LRCH3: variants seen among roughly 807,000 people sequenced by gnomAD.
LRCH3 encodes the protein leucine rich repeats and calponin homology domain containing 3, also known as DISP complex protein LRCH3.
LRCH3 carries 68 observed loss-of-function variants against 104.5 expected under a neutral mutation model. That is an observed-to-expected ratio of 0.65 (90% CI 0.54 to 0.80). The LOEUF (loss-of-function observed/expected upper bound fraction) is 0.80. LRCH3 is among the 30% of genes least tolerant of loss of function. The pLI is 0.00. For missense variants in LRCH3, 951 were observed against 953.9 expected (o/e 1.00, Z 0.04); for synonymous variants, 344 against 361.3 (o/e 0.95, Z 0.54).
intron 1 of LRCH3, among the ~76,000 whole-genome samples, chr3:197,807,518 G>A (rs959423163): frequency 6.6e-6 from 1 of 152,080 alleles, no homozygotes; most frequent in African/African-American, 2.4e-5. Context: ...ACCATGCCCG[G>A]CCGCATCATG....
intron 1 of LRCH3, among the ~76,000 whole-genome samples, chr3:197,792,606 A>ATATATATATATAT (rs1233845852): frequency 2.6e-4 from 10 of 37,980 alleles, no homozygotes; most frequent in Admixed American, 7.0e-4. Flanking sequence ...TATATATATA[A>ATATATATATATAT]AATATACATA....
intron 9 of LRCH3, among the ~76,000 whole-genome samples, chr3:197,837,591 C>G (rs1737012028): frequency 6.6e-6 from 1 of 152,048 alleles, no homozygotes; most frequent in South Asian, 2.1e-4. Flanking sequence ...GTGTTAAACA[C>G]TCTACTATTA....
intron 1 of LRCH3, among the ~76,000 whole-genome samples, chr3:197,809,199 G>A (rs917937692): frequency 2.6e-5 from 4 of 151,884 alleles, no homozygotes; most frequent in Admixed American, 6.6e-5. Context: ...TCAGGAGACT[G>A]GGGTGGGAGG....
intron 5 of LRCH3, among the ~76,000 whole-genome samples, chr3:197,828,621 AGGTG>A (rs1735520265): frequency 1.3e-5 from 2 of 151,430 alleles, no homozygotes; most frequent in Admixed American, 1.3e-4. Flanking sequence ...CTGGGATTAC[AGGTG>A]TGAGCCACCG....
rs201162957 is a variant in LRCH3 at position 197,866,147 on chromosome 3, A to T, written c.1801A>T (p.Ile601Phe). The T allele has an allele frequency of 6.2e-6, 10 of 1,613,830 alleles. No individual in the cohort carries two copies. Among genetic ancestry groups the T allele is most frequent in the Non-Finnish European group, 8.5e-6 (10 of 1,179,914 alleles). ...HSPAYSFPAAIQRNQPQRPES... is the reference protein window; with the variant it reads ...HSPAYSFPAAFQRNQPQRPES... ...CCCTGCATATTCTTTTCCTGCTGCT[A>T]TCCAGAGAAATCAGCCTCAGCGCCC... The change falls in exon 17 of 21, where the codon ATC becomes TTC. Residue 601 changes from isoleucine (I) to phenylalanine (F), a missense_variant. Transcript: ENST00000425562.
Position 197,854,335 on chromosome 3 carries a change from G to A in LRCH3, c.1591-57G>A, listed in dbSNP as rs538187296. ...CCTTGTGTGTGTATTCGTGAAATAC[G>A]TCACACGTGTGCGTAGTTTGTTTCT... On this transcript the variant is annotated intron_variant, in intron 13 of 20. Transcript: ENST00000425562. The surrounding 1 kb of genome is among the most constrained non-coding windows in gnomAD (Gnocchi z 4.5). 105 of 1,430,878 alleles carry A rather than the reference G, an allele frequency of 7.3e-5. 1 individual carries two copies. The East Asian group carries it at 1.1e-3, about 15-fold the overall frequency. 88.6% of individuals were successfully genotyped at this position (1,430,878 alleles called of 1,614,324 possible). A position where few individuals can be genotyped will look rare whatever the true frequency, so the allele number is the denominator to read the frequency against.
intron 4 of LRCH3, among the ~76,000 whole-genome samples, chr3:197,825,568 C>T (rs1735091572): frequency 2.1e-5 from 3 of 142,736 alleles, no homozygotes. Context: ...CAAGCTCCGC[C>T]TCCCGGGTTC....
At chr3:197,875,482 GGCGAACCC>G (rs1435394893) in intron 19 of LRCH3, among the ~76,000 whole-genome samples, 3 of 152,148 alleles carry the variant, frequency 2.0e-5, no homozygotes, top group Non-Finnish European at 4.4e-5. Context: ...TGGGCAACGT[GGCGAACCC>G]TGTCTCTACA....
chr3:197,872,127 G>T (rs1323844514), intron 19 of LRCH3, among the ~76,000 whole-genome samples: 1 of 152,110 alleles, frequency 6.6e-6, no homozygotes, highest in Non-Finnish European at 1.5e-5. Flanking sequence ...GGAGGCCGAG[G>T]CAGACGATTG....
At position 197,810,273 on chromosome 3, in the gene LRCH3, C is replaced by T. The variant is rs1732975473; in HGVS notation, c.263-4635C>T. Among the ~76,000 whole-genome samples, 1 of 152,182 alleles carries T rather than the reference C, an allele frequency of 6.6e-6. No individual in the cohort carries two copies. Among genetic ancestry groups the T allele is most frequent in the Non-Finnish European group, 1.5e-5 (1 of 68,040 alleles). On this transcript the variant is annotated intron_variant, in intron 1 of 20. Transcript: ENST00000425562. The surrounding 1 kb of genome is among the most constrained non-coding windows in gnomAD (Gnocchi z 4.0). ...CTGGGTTCAAAGGATTCTCCTGCCT[C>T]AGCCTCCTGAGTAGCTGAGATTACA...
chr3:197,844,681 G>C (rs907189603), intron 10 of LRCH3, among the ~76,000 whole-genome samples: 1 of 151,898 alleles, frequency 6.6e-6, no homozygotes, highest in Admixed American at 6.6e-5. Flanking sequence ...GCAGTGGCGC[G>C]ATCTTGACTC....
At chr3:197,836,299 C>T (rs1410823595) in intron 9 of LRCH3, among the ~76,000 whole-genome samples, 1 of 152,224 alleles carries the variant, frequency 6.6e-6, no homozygotes, top group East Asian at 1.9e-4. Flanking sequence ...CTAAGTCACA[C>T]AGAATGTAAA....
At chr3:197,837,557 A>G (rs1042370020) in intron 9 of LRCH3, among the ~76,000 whole-genome samples, 6 of 152,204 alleles carry the variant, frequency 3.9e-5, no homozygotes, top group Admixed American at 2.6e-4. Context: ...TAAAAATGGA[A>G]TGTTAAAAAC....
In LRCH3 at chr3:197,865,487, G is replaced by T; in HGVS notation, c.1765+16G>T. 8.1e-6 allele frequency: 12 copies of T among 1,473,768 alleles called. No individual in the cohort carries two copies. Among genetic ancestry groups the T allele is most frequent in the Non-Finnish European group, 1.1e-5 (12 of 1,093,984 alleles). The allele number at this position is 1,473,768 out of a possible 1,614,324, so 91.3% of individuals were successfully genotyped here. A position where few individuals can be genotyped will look rare whatever the true frequency, so the allele number is the denominator to read the frequency against. On this transcript the variant is annotated intron_variant, in intron 16 of 20. Coordinates refer to ENST00000425562, the MANE Select transcript of LRCH3 (RefSeq NM_001365715.1). ...ACAGAAACAGGTAATAGACACAAAGGTGCAATTAACCACATCAAGATTATA... is the reference window on the plus strand; with the variant it reads ...ACAGAAACAGGTAATAGACACAAAGTTGCAATTAACCACATCAAGATTATA...
chr3:197,811,616 G>A (rs1733132262), intron 1 of LRCH3, among the ~76,000 whole-genome samples: 1 of 152,146 alleles, frequency 6.6e-6, no homozygotes, highest in African/African-American at 2.4e-5. Context: ...ATGCCATACT[G>A]TTGAAAACAT....
intron 10 of LRCH3, among the ~76,000 whole-genome samples, chr3:197,843,075 ACT>A (rs1269921303): frequency 1.7e-5 from 2 of 115,238 alleles, no homozygotes; most frequent in East Asian, 2.3e-4. Context: ...ACAGAGCAAG[ACT>A]CTGTCTTAAA....
chr3:197,820,325 G>C lies in LRCH3; in HGVS notation c.535G>C (p.Asp179His). ...TTTATTTTGTATCTTTTCGAAATAG[G>C]ATGTGAGCTGCAATGAAATTCAAAC... is the stretch of plus-strand genomic sequence containing the variant. ...IGHLRHLMEL[D>H]VSCNEIQTIP... The change falls in exon 4 of 21, where the codon GAT (aspartate) becomes CAT (histidine). Residue 179 changes from aspartate (D) to histidine (H), a missense_variant and splice_region_variant. Physicochemically the swap from Asp to His is moderately conservative, Grantham distance 81. Coordinates refer to ENST00000425562, the MANE Select transcript of LRCH3 (RefSeq NM_001365715.1). The C allele has an allele frequency of 6.3e-7, 1 of 1,598,816 alleles. No individual in the cohort carries two copies. Among genetic ancestry groups the C allele is most frequent in the Non-Finnish European group, 8.6e-7 (1 of 1,166,222 alleles).
At chr3:197,851,089 T>A in intron 12 of LRCH3, 1 of 592,866 alleles carries the variant, frequency 1.7e-6, no homozygotes, top group Non-Finnish European at 3.1e-6. Context: ...AATCCTGTGA[T>A]TAGAACAAGG....
Position 197,858,846 on chromosome 3 carries a change from T to C in LRCH3, c.1657T>C (p.Leu553=). 1 of 1,613,826 alleles carries C rather than the reference T, an allele frequency of 6.2e-7. No individual in the cohort carries two copies. The highest frequency in any genetic ancestry group is 8.5e-7 in the Non-Finnish European group (1 of 1,179,736). Residue 553 remains leucine (L), a synonymous_variant, in exon 15 of 21, where the codon TTG becomes CTG. Transcript: ENST00000425562. ...DSALCMSLSG[L]NQVGCAATLP... ...ATTTGAAATGTAGTCGCTGTCAGGG[T>C]TGAATCAAGTGGGCTGTGCTGCTAC... is the stretch of plus-strand genomic sequence containing the variant.
Sources: allele counts gnomAD v4.1 joint callset (sites outside exome capture counted in the v4.1 genomes callset), GRCh38; gene constraint gnomAD v4.1.1; non-coding constraint Gnocchi (gnomAD v3.1); transcripts MANE v1.5; gene names NCBI Gene and HGNC (gene_info 2026-07-23, HGNC 2026-07-21).